The following TMEM123 variants were observed in gnomAD, a reference collection of about 807,000 sequenced individuals.
The protein encoded by TMEM123 is transmembrane protein 123, also known as porimin.
TMEM123 carries 16 observed loss-of-function variants against 19.7 expected under a neutral mutation model. The ratio of observed to expected loss-of-function variants is 0.81; its 90% CI spans 0.55 to 1.23. The LOEUF (loss-of-function observed/expected upper bound fraction) is 1.23, where lower values mean the gene tolerates loss of function less well. Ranked by LOEUF, TMEM123 falls within the 50% of genes most tolerant of loss-of-function variation. The pLI is 0.00. For missense variants in TMEM123, 313 were observed against 257.8 expected, an observed-to-expected ratio of 1.21 and a Z score of -1.47; for synonymous variants, 118 against 99.4, an observed-to-expected ratio of 1.19 and a Z score of -1.12.
chr11:102,401,636 A>C lies in TMEM123; in HGVS notation c.505T>G (p.Phe169Val). 1 of 1,608,702 alleles carries C rather than the reference A, an allele frequency of 6.2e-7. No homozygotes were observed. The highest frequency in any genetic ancestry group is 8.5e-7 in the Non-Finnish European group (1 of 1,178,774). Reference protein sequence around the residue: ...KKGSKFDTGSFVGGIVLTLGV... With the variant: ...KKGSKFDTGSVVGGIVLTLGV... ...AGCGTTAATACAATACCACCAACAA[A>C]GCTCCCAGTATCAAATTTTGATCCT... Residue 169 changes from phenylalanine to valine, a missense_variant, in exon 4 of 5, where the codon TTT (phenylalanine) becomes GTT (valine). Physicochemically the swap from Phe to Val is conservative, Grantham distance 50. Transcript: ENST00000398136.
intron 1 of TMEM123, among the ~76,000 whole-genome samples, chr11:102,450,802 G>C (rs1857929918): frequency 6.6e-6 from 1 of 152,188 alleles, no homozygotes; most frequent in Non-Finnish European, 1.5e-5. Context: ...AATTAGCATA[G>C]CGTGGGATGC....
At chr11:102,448,296 G>A (rs1018548533) in intron 2 of TMEM123, 5 of 456,174 alleles carry the variant, frequency 1.1e-5, no homozygotes, top group Non-Finnish European at 2.2e-5. Flanking sequence ...TTCCATGTTA[G>A]TGAACTCAGA....
chr11:102,430,054 C>T (rs1028344736), intron 2 of TMEM123, among the ~76,000 whole-genome samples: 1 of 152,190 alleles, frequency 6.6e-6, no homozygotes, highest in Admixed American at 6.5e-5. Flanking sequence ...CCCATGCCAC[C>T]TCTCCCAGCC....
intron 4 of TMEM123, among the ~76,000 whole-genome samples, chr11:102,399,547 T>A (rs1349496706): frequency 3.3e-5 from 5 of 152,226 alleles, no homozygotes; most frequent in Non-Finnish European, 5.9e-5. Context: ...ACCTTAATAT[T>A]CTTTTAAAAT....
chr11:102,412,615 T>C (rs1952014625), intron 2 of TMEM123, among the ~76,000 whole-genome samples: 1 of 152,176 alleles, frequency 6.6e-6, no homozygotes, highest in East Asian at 1.9e-4. Flanking sequence ...AACAACTCTA[T>C]TAATATCATA....
rs764816008 is a variant in TMEM123, at chr11:102,452,567, C to A, written c.57G>T (p.Val19=). 6.4e-7 allele frequency: 1 copy of A among 1,574,144 alleles called. No homozygotes were observed. The highest frequency in any genetic ancestry group is 1.1e-5 in the South Asian group (1 of 87,374). The change falls in exon 1 of 5, where the codon GTG becomes GTT. Residue 19 remains valine, a synonymous_variant. Coordinates refer to ENST00000398136, the MANE Select transcript of TMEM123 (RefSeq NM_052932.3). ...CATGGGCGGCCCCCAGCAGCGCTAG[C>A]ACCTGCAGCGTCCCCAGGAGCAGCG... ...WAALLLGTLQ[V]LALLGAAHES...
chr11:102,416,384 AC>A (rs1190402745), intron 2 of TMEM123, among the ~76,000 whole-genome samples: 3 of 152,166 alleles, frequency 2.0e-5, no homozygotes, highest in African/African-American at 4.8e-5. Flanking sequence ...GAACACCACT[AC>A]GTATACAAAC....
At chr11:102,450,903 T>A (rs774239424) in intron 1 of TMEM123, among the ~76,000 whole-genome samples, 5 of 152,324 alleles carry the variant, frequency 3.3e-5, no homozygotes, top group Admixed American at 1.3e-4. Context: ...TGTATACAGA[T>A]TACACTATAC....
intron 2 of TMEM123, among the ~76,000 whole-genome samples, chr11:102,415,457 C>T (rs1952036675): frequency 6.6e-6 from 1 of 152,190 alleles, no homozygotes; most frequent in Non-Finnish European, 1.5e-5. Flanking sequence ...AAGCAATTCT[C>T]AACAAATTAC....
intron 2 of TMEM123, among the ~76,000 whole-genome samples, chr11:102,437,389 C>T (rs1414979142): frequency 1.3e-5 from 2 of 148,676 alleles, no homozygotes; most frequent in Admixed American, 6.8e-5. Flanking sequence ...ACCCAGAAGG[C>T]GGAGGTTTCA....
chr11:102,435,906 C>A (rs1310761856), intron 2 of TMEM123, among the ~76,000 whole-genome samples: 1 of 151,708 alleles, frequency 6.6e-6, no homozygotes, highest in African/African-American at 2.4e-5. Context: ...ATAAAGAGCA[C>A]AGGGTTTCTT....
At chr11:102,401,874 T>C (rs1951915898) in intron 3 of TMEM123, 42 bp downstream of exon 3, 1 of 1,585,904 alleles carries the variant, frequency 6.3e-7, no homozygotes, top group Middle Eastern at 1.7e-4. Flanking sequence ...GGCATTTAAC[T>C]ACTTGCAGCA....
intron 2 of TMEM123, among the ~76,000 whole-genome samples, chr11:102,442,106 G>A (rs998163340): frequency 1.3e-5 from 2 of 152,106 alleles, no homozygotes; most frequent in African/African-American, 2.4e-5. Context: ...ATTCATAGCC[G>A]AATTCTACCA....
At chr11:102,421,522 A>G (rs1221624576) in intron 2 of TMEM123, among the ~76,000 whole-genome samples, 8 of 152,088 alleles carry the variant, frequency 5.3e-5, no homozygotes, top group Non-Finnish European at 8.8e-5. Flanking sequence ...CAGTCAGCAA[A>G]AAAAAAAACT....
chr11:102,398,624 C>A lies in TMEM123; in HGVS notation c.*243G>T. ...AAAAAAAAAGATAGGACTTGTTTGT[C>A]TTACTATGAACTTGCTAAAACCATT... On this transcript the variant is annotated 3_prime_UTR_variant, in exon 5 of 5. Coordinates refer to ENST00000398136, the MANE Select transcript of TMEM123 (RefSeq NM_052932.3). The A allele has an allele frequency of 2.0e-6, 1 of 507,360 alleles. No homozygotes were observed. The highest frequency in any genetic ancestry group is 3.4e-6 in the Non-Finnish European group (1 of 295,502). 31.4% of individuals were successfully genotyped at this position (507,360 alleles called of 1,614,324 possible).
At chr11:102,442,076 A>C (rs565338969) in intron 2 of TMEM123, among the ~76,000 whole-genome samples, 2 of 152,354 alleles carry the variant, frequency 1.3e-5, no homozygotes, top group South Asian at 4.1e-4. Flanking sequence ...ACCAACCAAA[A>C]AAAGTCCAGG....
At chr11:102,413,948 A>G (rs988184368) in intron 2 of TMEM123, among the ~76,000 whole-genome samples, 2 of 152,242 alleles carry the variant, frequency 1.3e-5, no homozygotes, top group Non-Finnish European at 2.9e-5. Flanking sequence ...AGCCCAATCC[A>G]TGGAACCTAA....
chr11:102,443,731 A>G (rs1401881487), intron 2 of TMEM123, among the ~76,000 whole-genome samples: 3 of 152,224 alleles, frequency 2.0e-5, no homozygotes, highest in Non-Finnish European at 4.4e-5. Context: ...TTGCATGGCA[A>G]AAGAAACTAC....
At chr11:102,406,501 A>C (rs557086676) in intron 2 of TMEM123, among the ~76,000 whole-genome samples, 32 of 152,294 alleles carry the variant, frequency 2.1e-4, no homozygotes, top group South Asian at 1.7e-3. Context: ...CCACACCTCC[A>C]CTAACAGCAA....
Sources: gnomAD v4.1 joint callset for allele counts (sites outside exome capture counted in the v4.1 genomes callset) on GRCh38, gnomAD v4.1.1 for gene constraint, MANE v1.5 for transcripts, NCBI Gene and HGNC (gene_info 2026-07-23, HGNC 2026-07-21) for gene names.